The following ITGA9 variants were observed in gnomAD, a reference collection of about 807,000 sequenced individuals.
ITGA9 encodes integrin subunit alpha 9, also known as integrin alpha-9.
A neutral mutation model predicts 127.8 loss-of-function variants in ITGA9; 56 were observed. The ratio of observed to expected loss-of-function variants is 0.44; its 90% CI spans 0.35 to 0.55. ITGA9 has a LOEUF of 0.55. Ranked by LOEUF, ITGA9 falls within the 20% of genes least tolerant of loss-of-function variation. The pLI, the probability that ITGA9 is intolerant of heterozygous loss-of-function variation, is 0.00. For synonymous variants in ITGA9, 508 were observed against 514.5 expected (o/e 0.99, Z 0.17); for missense variants, 1,196 against 1,347.1 (o/e 0.89, Z 1.76).
chr3:37,683,844 GCTGT>G lies in ITGA9; in HGVS notation c.1917-18_1917-15del, dbSNP rs750496282. The G allele has an allele frequency of 1.2e-6, 2 of 1,613,436 alleles. No individual in the cohort carries two copies. Among genetic ancestry groups the G allele is most frequent in the Non-Finnish European group, 1.7e-6 (2 of 1,179,748 alleles). ...TAGTGTAGGCCTCAGGGCATTCATT[GCTGT>G]CTATTTTTCGTTACAGTATGGATGA... On this transcript the variant is annotated splice_polypyrimidine_tract_variant and intron_variant, in intron 17 of 27. Coordinates refer to ENST00000264741, the MANE Select transcript of ITGA9 (RefSeq NM_002207.3).
chr3:37,763,672 A>G (rs1040960208), intron 23 of ITGA9, among the ~76,000 whole-genome samples: 17 of 152,224 alleles, frequency 1.1e-4, no homozygotes, highest in African/African-American at 2.9e-4. Flanking sequence ...TTGCAACAAG[A>G]AGTCTCCCCT....
chr3:37,579,785 C>T (rs1699688167), intron 15 of ITGA9, among the ~76,000 whole-genome samples: 1 of 152,132 alleles, frequency 6.6e-6, no homozygotes, highest in African/African-American at 2.4e-5. Flanking sequence ...AGCTTATCCT[C>T]TCCTCTTTGT....
intron 3 of ITGA9, among the ~76,000 whole-genome samples, chr3:37,476,836 A>T (rs1466231340): frequency 6.6e-6 from 1 of 152,196 alleles, no homozygotes; most frequent in African/African-American, 2.4e-5. Flanking sequence ...ATAGAGACCA[A>T]ATCTACCCAC....
intron 17 of ITGA9, among the ~76,000 whole-genome samples, chr3:37,676,750 CTT>C (rs1700686015): frequency 6.6e-6 from 1 of 152,198 alleles, no homozygotes; most frequent in Admixed American, 6.5e-5. Context: ...AACATCAAAT[CTT>C]TGTCTTCAAG....
chr3:37,667,400 T>C (rs1324174529), intron 17 of ITGA9, among the ~76,000 whole-genome samples: 1 of 152,162 alleles, frequency 6.6e-6, no homozygotes, highest in Non-Finnish European at 1.5e-5. Flanking sequence ...CTATGAACCA[T>C]GTATAGGGCT....
At position 37,452,433 on chromosome 3, in the gene ITGA9, T is replaced by A; in HGVS notation, c.59T>A (p.Leu20Gln). 6.8e-7 allele frequency: 1 copy of A among 1,467,766 alleles called. No individual in the cohort carries two copies. Among genetic ancestry groups the A allele is most frequent in the Non-Finnish European group, 9.0e-7 (1 of 1,108,042 alleles). The allele number at this position is 1,467,766 out of a possible 1,614,324, so 90.9% of individuals were successfully genotyped here. Residue 20 changes from leucine to glutamine, a missense_variant, in exon 1 of 28, where the codon CTG (leucine) becomes CAG (glutamine). By Grantham distance (113) the Leu-to-Gln change is moderately radical (BLOSUM62 -2). Coordinates refer to ENST00000264741, the MANE Select transcript of ITGA9 (RefSeq NM_002207.3). This position sits in a 1 kb window ranked among gnomAD's most constrained non-coding sequence, Gnocchi z 7.3. ...AGRLRALLLA[L>Q]VVAGIPAGAY... is the part of the protein sequence containing the mutation. ...AGGCTCCGCGCGCTGCTGCTGGCGC[T>A]GGTGGTCGCGGGGATCCCCGCGGGC...
chr3:37,560,323 T>C (rs2125599341), intron 15 of ITGA9, among the ~76,000 whole-genome samples: 1 of 152,346 alleles, frequency 6.6e-6, no homozygotes, highest in Non-Finnish European at 1.5e-5. Flanking sequence ...GGTGTATATG[T>C]CCCGCATTTT....
chr3:37,468,287 A>G (rs759338617), intron 1 of ITGA9, among the ~76,000 whole-genome samples: 15 of 152,154 alleles, frequency 9.9e-5, no homozygotes, highest in Middle Eastern at 3.4e-3. Flanking sequence ...GGAATCAGAT[A>G]CAGACCCTCC....
At chr3:37,601,731 A>G in intron 15 of ITGA9, among the ~76,000 whole-genome samples, 1 of 152,224 alleles carries the variant, frequency 6.6e-6, no homozygotes. Flanking sequence ...ATTCTCACAT[A>G]TGTATCAGAA....
At chr3:37,581,669 A>G (rs1187877649) in intron 15 of ITGA9, among the ~76,000 whole-genome samples, 1 of 152,254 alleles carries the variant, frequency 6.6e-6, no homozygotes, top group Non-Finnish European at 1.5e-5. Context: ...TCTCAAAAGC[A>G]TCAGGACCCC....
chr3:37,508,999 C>T (rs183818687), intron 8 of ITGA9, among the ~76,000 whole-genome samples: 232 of 152,294 alleles, frequency 1.5e-3, no homozygotes, highest in Admixed American at 2.7e-3. Context: ...GTACAGGTAG[C>T]AATAAATGCT....
intron 22 of ITGA9, chr3:37,748,245 G>T: frequency 2.1e-6 from 1 of 486,776 alleles, no homozygotes; most frequent in Non-Finnish European, 3.9e-6. Flanking sequence ...TCAAGGGAAT[G>T]GGTACTGTTC....
At chr3:37,647,939 G>T (rs1700394757) in intron 16 of ITGA9, among the ~76,000 whole-genome samples, 1 of 152,008 alleles carries the variant, frequency 6.6e-6, no homozygotes, top group African/African-American at 2.4e-5. Flanking sequence ...CAAACACTTA[G>T]GTTGATTCCA....
chr3:37,596,917 C>T (rs1247619110), intron 15 of ITGA9, among the ~76,000 whole-genome samples: 2 of 152,196 alleles, frequency 1.3e-5, no homozygotes, highest in African/African-American at 4.8e-5. Flanking sequence ...CTGCCATGGC[C>T]AGAGAAAAGC....
chr3:37,812,586 A>G (rs987441649), intron 27 of ITGA9, among the ~76,000 whole-genome samples: 1 of 152,220 alleles, frequency 6.6e-6, no homozygotes, highest in Non-Finnish European at 1.5e-5. Flanking sequence ...TTTTGGATAC[A>G]TGGTTATATG....
intron 26 of ITGA9, among the ~76,000 whole-genome samples, chr3:37,797,323 C>T (rs925585511): frequency 2.6e-5 from 4 of 152,086 alleles, no homozygotes; most frequent in Admixed American, 1.3e-4. Flanking sequence ...CCACTTCACT[C>T]CAGTCTAAGC....
rs376933840 is a variant in ITGA9, at chr3:37,684,025, G to A, written c.2067+10G>A. ...CAACATGTGGCAGAAGGTAAGGAGG[G>A]CATCCCTGTAAAAAGAGCAGTTGTT... On this transcript the variant is annotated intron_variant, in intron 18 of 27. Transcript: ENST00000264741. 9 of 1,612,090 alleles carry A rather than the reference G, an allele frequency of 5.6e-6. No individual in the cohort carries two copies. The highest frequency in any genetic ancestry group is 1.7e-6 in the Non-Finnish European group (2 of 1,178,948).
At chr3:37,458,326 C>CAG (rs984912964) in intron 1 of ITGA9, among the ~76,000 whole-genome samples, 102 of 152,210 alleles carry the variant, frequency 6.7e-4, no homozygotes, top group African/African-American at 2.4e-3. Flanking sequence ...GATGCTAGGA[C>CAG]AGAGATAGGA....
intron 15 of ITGA9, among the ~76,000 whole-genome samples, chr3:37,603,659 G>A (rs1559547011): frequency 6.6e-6 from 1 of 152,350 alleles, no homozygotes; most frequent in East Asian, 1.9e-4. Context: ...AAAGGGCCAT[G>A]TGGCAAGAGC....
Sources: gnomAD v4.1 joint callset for allele counts (sites outside exome capture counted in the v4.1 genomes callset) on GRCh38, gnomAD v4.1.1 for gene constraint, Gnocchi (gnomAD v3.1) non-coding constraint, MANE v1.5 for transcripts, NCBI Gene and HGNC (gene_info 2026-07-23, HGNC 2026-07-21) for gene names.